USP34: variants seen among roughly 807,000 people sequenced by gnomAD.
USP34 encodes ubiquitin specific peptidase 34, also known as ubiquitin carboxyl-terminal hydrolase 34.
USP34 carries 70 observed loss-of-function variants against 460.3 expected under a neutral mutation model. The observed-to-expected ratio is 0.15, with a 90% CI of 0.13 to 0.19. The LOEUF (loss-of-function observed/expected upper bound fraction) is 0.19. Ranked by LOEUF, USP34 falls within the 10% of genes least tolerant of loss-of-function variation. USP34 has a pLI of 1.00. For missense variants in USP34, 3,985 were observed against 4,236.2 expected (o/e 0.94, Z 1.65); for synonymous variants, 1,647 against 1,405.3 (o/e 1.17, Z -3.85).
intron 17 of USP34, 40 bp from the exon 18 acceptor site, chr2:61,339,518 G>C: frequency 6.4e-7 from 1 of 1,556,876 alleles, no homozygotes; most frequent in Non-Finnish European, 8.7e-7. Flanking sequence ...TATCCTAATT[G>C]CATCTTGCTG....
chr2:61,429,028 AAAAAT>A lies in USP34; in HGVS notation c.44-8200_44-8196del, dbSNP rs777387540. Among the ~76,000 whole-genome samples the A allele has an allele frequency of 3.9e-5, 6 of 152,196 alleles. No individual in the cohort carries two copies. The East Asian group carries it at 5.8e-4, about 15-fold the overall frequency. Reference sequence around the variant, plus strand: ...AGAGTGGATTGAGTTTAAAAATAAAAAAAATAAAATAAATAAAAAGGATGCGCTTT... The same window carrying A: ...AGAGTGGATTGAGTTTAAAAATAAAAAAAATAAATAAAAAGGATGCGCTTT... On this transcript the variant is annotated intron_variant, in intron 1 of 79. Coordinates refer to ENST00000398571, the MANE Select transcript of USP34 (RefSeq NM_014709.4).
At chr2:61,393,125 G>T (rs569324076) in intron 5 of USP34, among the ~76,000 whole-genome samples, 1 of 152,076 alleles carries the variant, frequency 6.6e-6, no homozygotes, top group Admixed American at 6.6e-5. Flanking sequence ...TTCCCATTTT[G>T]CAAATTAAAA....
intron 1 of USP34, among the ~76,000 whole-genome samples, chr2:61,453,275 G>A (rs909881177): frequency 2.6e-5 from 4 of 151,996 alleles, no homozygotes; most frequent in East Asian, 1.9e-4. Context: ...TTAGCCAAGT[G>A]TGGTGGCCTG....
chr2:61,450,557 T>TTTGCC (rs1695241271), intron 1 of USP34, among the ~76,000 whole-genome samples: 1 of 151,922 alleles, frequency 6.6e-6, no homozygotes, highest in South Asian at 2.1e-4. Flanking sequence ...AGGGCAGGAG[T>TTTGCC]TTGAGACCAG....
At chr2:61,321,801 G>T (rs1481669391) in intron 21 of USP34, among the ~76,000 whole-genome samples, 1 of 152,324 alleles carries the variant, frequency 6.6e-6, no homozygotes, top group Non-Finnish European at 1.5e-5. Flanking sequence ...TAGTAAAAAT[G>T]ATTGGGGGAG....
chr2:61,386,483 A>C (rs561536956), intron 5 of USP34, among the ~76,000 whole-genome samples: 57 of 152,168 alleles, frequency 3.7e-4, no homozygotes, highest in African/African-American at 1.3e-3. Context: ...AGCAAGAAAA[A>C]ATTTTTCAAA....
At chr2:61,219,575 G>A (rs1179793048) in intron 67 of USP34, among the ~76,000 whole-genome samples, 1 of 151,792 alleles carries the variant, frequency 6.6e-6, no homozygotes, top group African/African-American at 2.4e-5. Flanking sequence ...GGAGGCTGAG[G>A]TGAAAGAATC....
chr2:61,213,963 G>A lies in USP34; in HGVS notation c.8682+97C>T, dbSNP rs572248233. The A allele has an allele frequency of 9.0e-5, 125 of 1,381,376 alleles. No individual in the cohort carries two copies. In the African/African-American group the frequency reaches 1.7e-3, roughly 18 times the overall value. The allele number at this position is 1,381,376 out of a possible 1,614,324, so 85.6% of individuals were successfully genotyped here. A position where few individuals can be genotyped will look rare whatever the true frequency, so the allele number is the denominator to read the frequency against. On this transcript the variant is annotated intron_variant, in intron 68 of 79. Transcript: ENST00000398571. ...TTAAGTTCTTAAGAAAGAATGGTGA[G>A]ACTATTCTATATTCTGCCACCACTT...
intron 76 of USP34, 87 bp from the exon 77 acceptor site, chr2:61,190,745 C>T (rs962402161): frequency 1.4e-6 from 2 of 1,474,144 alleles, no homozygotes; most frequent in African/African-American, 1.4e-5. Flanking sequence ...AAAACATACA[C>T]TTGTGTATGA....
chr2:61,419,367 G>T (rs1001777853), intron 2 of USP34, among the ~76,000 whole-genome samples: 2 of 152,018 alleles, frequency 1.3e-5, no homozygotes, highest in African/African-American at 4.8e-5. Context: ...TAAACCACAG[G>T]CTCTCGGTGG....
chr2:61,364,456 T>C (rs75566380), intron 10 of USP34, among the ~76,000 whole-genome samples: 320 of 152,338 alleles, frequency 2.1e-3, no homozygotes, highest in Non-Finnish European at 3.5e-3. Context: ...TTGTTACTGG[T>C]AATGATGAAA....
intron 27 of USP34, among the ~76,000 whole-genome samples, chr2:61,306,228 T>C (rs759705633): frequency 4.5e-4 from 68 of 152,222 alleles, no homozygotes; most frequent in Non-Finnish European, 6.3e-4. Context: ...CTTTAATCCA[T>C]CTTGAATTAT....
At position 61,340,220 on chromosome 2, in the gene USP34, C is replaced by T. The variant is rs868014978; in HGVS notation, c.2501-539G>A. ...TCCCTATATTTAAAAAAAAACTTAACACTATTTTTATTGGAGATAATTTAC... is the reference window on the plus strand; with the variant it reads ...TCCCTATATTTAAAAAAAAACTTAATACTATTTTTATTGGAGATAATTTAC... On this transcript the variant is annotated intron_variant, in intron 16 of 79. Coordinates refer to ENST00000398571, the MANE Select transcript of USP34 (RefSeq NM_014709.4). Among the ~76,000 whole-genome samples the T allele has an allele frequency of 1.2e-3, 177 of 152,046 alleles. 3 individuals carry two copies. Among genetic ancestry groups the T allele is most frequent in the Non-Finnish European group, 7.7e-4 (52 of 67,970 alleles).
intron 51 of USP34, among the ~76,000 whole-genome samples, chr2:61,243,925 G>A (rs1011570590): frequency 4.6e-5 from 7 of 150,722 alleles, no homozygotes; most frequent in African/African-American, 1.7e-4. Context: ...TTGGTTTAGT[G>A]GTGGCTTTAG....
At position 61,241,514 on chromosome 2, in the gene USP34, A is replaced by T. The variant is rs572090058; in HGVS notation, c.6777+46T>A. 15 of 1,427,350 alleles carry T rather than the reference A, an allele frequency of 1.1e-5. No individual in the cohort carries two copies. In the African/African-American group the frequency reaches 1.7e-4, roughly 16 times the overall value. The allele number at this position is 1,427,350 out of a possible 1,614,324, so 88.4% of individuals were successfully genotyped here. On this transcript the variant is annotated intron_variant, in intron 53 of 79. Coordinates refer to ENST00000398571, the MANE Select transcript of USP34 (RefSeq NM_014709.4). ...ACACTACAGTATTCCTTGCATAAAC[A>T]CTTAACATATTTTTAAAATGTTGCT...
chr2:61,343,891 T>A lies in USP34; in HGVS notation c.2424A>T (p.Ser808=). ...GGAGGTGAGATGTCAGTTCCGCATG[T>A]GAATTAATCTGAACTAGCTCCTCTT... The part of the protein sequence containing the change: ...GCEEELVQIN[S]HAELTSHLQQ... Residue 808 remains serine, a synonymous_variant, in exon 16 of 80, where the codon TCA becomes TCT. Coordinates refer to ENST00000398571, the MANE Select transcript of USP34 (RefSeq NM_014709.4). 6.2e-7 allele frequency: 1 copy of A among 1,614,006 alleles called. No homozygotes were observed. The highest frequency in any genetic ancestry group is 1.7e-5 in the Admixed American group (1 of 60,016).
chr2:61,446,305 C>T (rs778816717), intron 1 of USP34, among the ~76,000 whole-genome samples: 2 of 152,058 alleles, frequency 1.3e-5, no homozygotes, highest in Non-Finnish European at 2.9e-5. Flanking sequence ...TGCTTCTGTA[C>T]TCCATCATAT....
chr2:61,271,407 C>T (rs1689209568), intron 41 of USP34, among the ~76,000 whole-genome samples: 1 of 152,094 alleles, frequency 6.6e-6, no homozygotes, highest in Admixed American at 6.6e-5. Context: ...TCATGAGCAG[C>T]CATAATTTTA....
At chr2:61,452,225 T>C in intron 1 of USP34, among the ~76,000 whole-genome samples, 1 of 149,130 alleles carries the variant, frequency 6.7e-6, no homozygotes, top group Non-Finnish European at 1.5e-5. Context: ...TAATCTTGAG[T>C]GGGAATGACC....
Sources: gnomAD v4.1 joint callset for allele counts (sites outside exome capture counted in the v4.1 genomes callset) on GRCh38, gnomAD v4.1.1 for gene constraint, MANE v1.5 for transcripts, NCBI Gene and HGNC (gene_info 2026-07-23, HGNC 2026-07-21) for gene names.